TM7SF3: variants seen among roughly 807,000 people sequenced by gnomAD.
TM7SF3 encodes transmembrane 7 superfamily member 3, also known as seven span transmembrane protein.
A neutral mutation model predicts 65.5 loss-of-function variants in TM7SF3; 60 were observed. The ratio of observed to expected loss-of-function variants is 0.92; its 90% CI spans 0.74 to 1.14. The LOEUF is 1.14. TM7SF3 is among the 50% of genes most tolerant of loss of function. The pLI is 0.00. For synonymous variants in TM7SF3, 264 were observed against 259.6 expected (o/e 1.02, Z -0.16); for missense variants, 623 against 684.8 (o/e 0.91, Z 1.01).
chr12:26,976,143 G>T (rs1939553372), intron 10 of TM7SF3, 117 bp downstream of exon 10: 2 of 748,872 alleles, frequency 2.7e-6, no homozygotes, highest in Non-Finnish European at 4.5e-6. Flanking sequence ...TCAGTCATCT[G>T]ATACAGGTAA....
rs1939466493 is a variant in TM7SF3, at chr12:26,974,051, C to T, written c.1627G>A (p.Glu543Lys). 2 of 1,614,052 alleles carry T rather than the reference C, an allele frequency of 1.2e-6. No homozygotes were observed. Among genetic ancestry groups the T allele is most frequent in the African/African-American group, 1.3e-5 (1 of 74,908 alleles). Residue 543 changes from glutamate to lysine, a missense_variant, in exon 12 of 12, where the codon GAG becomes AAG. Physicochemically the swap from Glu to Lys is moderately conservative, Grantham distance 56. Transcript: ENST00000343028. ...TGGGTTAATCGGCCATAGAGCCTCT[C>T]TCTCAATGGAGGAATGTGGTAGCTA... ...DPSYHIPPLRERLYGRLTQIK... is the reference protein window; with the variant it reads ...DPSYHIPPLRKRLYGRLTQIK...
At chr12:26,988,669 A>G (rs1940206053) in intron 6 of TM7SF3, among the ~76,000 whole-genome samples, 1 of 115,624 alleles carries the variant, frequency 8.6e-6, no homozygotes, top group African/African-American at 3.4e-5. Context: ...TCAGAGAAGA[A>G]AATTGTGTGT....
intron 6 of TM7SF3, among the ~76,000 whole-genome samples, chr12:26,989,079 A>G (rs1940228373): frequency 6.6e-6 from 1 of 152,192 alleles, no homozygotes; most frequent in Non-Finnish European, 1.5e-5. Flanking sequence ...TCAAGTATTT[A>G]TGTAATCAAT....
rs761552084 is a variant in TM7SF3 at position 26,976,486 on chromosome 12, G to A, written c.1190-129C>T. 190 of 638,188 alleles carry A rather than the reference G, an allele frequency of 3.0e-4. 1 individual carries two copies. Among genetic ancestry groups the A allele is most frequent in the Non-Finnish European group, 7.8e-5 (28 of 360,648 alleles). 39.5% of individuals were successfully genotyped at this position (638,188 alleles called of 1,614,324 possible). A position where few individuals can be genotyped will look rare whatever the true frequency, so the allele number is the denominator to read the frequency against. ...CAACCAGGGAATATGTTGGCAACTA[G>A]AAATGAATTCTAATTTTCTTCATTT... On this transcript the variant is annotated intron_variant, in intron 9 of 11. Transcript: ENST00000343028.
At chr12:27,004,169 T>C (rs751275577) in intron 1 of TM7SF3, among the ~76,000 whole-genome samples, 4 of 152,224 alleles carry the variant, frequency 2.6e-5, no homozygotes, top group Non-Finnish European at 5.9e-5. Context: ...CCCACTTCTC[T>C]GTGATGTGTT....
At chr12:26,999,362 C>G (rs573067824) in intron 3 of TM7SF3, among the ~76,000 whole-genome samples, 164 bp downstream of exon 3, 1 of 151,976 alleles carries the variant, frequency 6.6e-6, no homozygotes, top group Non-Finnish European at 1.5e-5. Context: ...CGCCACTACA[C>G]TCCAGCCTGG....
At chr12:26,977,271 A>T (rs993094454) in intron 9 of TM7SF3, among the ~76,000 whole-genome samples, 1 of 152,228 alleles carries the variant, frequency 6.6e-6, no homozygotes, top group South Asian at 2.1e-4. Flanking sequence ...CACAAAATAC[A>T]TATGTGGCTT....
At chr12:26,995,465 A>G (rs1940553415) in intron 4 of TM7SF3, 57 bp from the exon 5 acceptor site, 19 of 1,571,800 alleles carry the variant, frequency 1.2e-5, no homozygotes, top group Non-Finnish European at 1.6e-5. Flanking sequence ...TCCCATCTAT[A>G]AAAAGGAACC....
intron 6 of TM7SF3, among the ~76,000 whole-genome samples, chr12:26,989,295 G>T (rs1258638565): frequency 1.1e-4 from 17 of 151,994 alleles, no homozygotes; most frequent in African/African-American, 3.1e-4. Context: ...AATTAGCCAG[G>T]GATGGTGGTG....
At position 26,999,529 on chromosome 12, in the gene TM7SF3, T is replaced by A; in HGVS notation, c.394A>T (p.Arg132Ter). 6.2e-7 allele frequency: 1 copy of A among 1,614,110 alleles called. No homozygotes were observed. Among genetic ancestry groups the A allele is most frequent in the Non-Finnish European group, 8.5e-7 (1 of 1,179,962 alleles). Residue 132 changes from arginine (R) to a stop codon, truncating the protein, a stop_gained, in exon 3 of 12, where the codon AGA becomes TGA. Coordinates refer to ENST00000343028, the MANE Select transcript of TM7SF3 (RefSeq NM_016551.3). LOFTEE classifies it high-confidence loss of function. ...GAGGAGAAGACAGAAGGGTTACCTC[T>A]TTCTGAGTAGGAGAGTAGGATAGCC... ...NMAILLSYSE[R>*]DPVPGGCNLE...
At chr12:27,003,997 G>A (rs1173219772) in intron 1 of TM7SF3, among the ~76,000 whole-genome samples, 1 of 152,188 alleles carries the variant, frequency 6.6e-6, no homozygotes, top group Admixed American at 6.5e-5. Flanking sequence ...ACATAAAATT[G>A]TGAACCACAG....
At chr12:27,003,970 C>T (rs1271195737) in intron 1 of TM7SF3, among the ~76,000 whole-genome samples, 1 of 152,166 alleles carries the variant, frequency 6.6e-6, no homozygotes. Flanking sequence ...CCAATGAGCA[C>T]CCACACCAGG....
intron 6 of TM7SF3, chr12:26,983,522 G>A (rs1183365799): frequency 2.2e-6 from 1 of 454,300 alleles, no homozygotes; most frequent in Non-Finnish European, 4.4e-6. Context: ...ATGATGACCA[G>A]GGATTTGCTT....
At chr12:26,984,947 T>C (rs1002703104) in intron 6 of TM7SF3, among the ~76,000 whole-genome samples, 2 of 152,144 alleles carry the variant, frequency 1.3e-5, no homozygotes, top group Admixed American at 6.5e-5. Flanking sequence ...GGAGGCAATA[T>C]GGATATAGTC....
intron 6 of TM7SF3, among the ~76,000 whole-genome samples, chr12:26,986,092 T>C (rs1940087120): frequency 6.6e-6 from 1 of 152,006 alleles, no homozygotes; most frequent in Non-Finnish European, 1.5e-5. Flanking sequence ...CCTCCCAAAG[T>C]GCTGGGATTA....
chr12:26,980,599 G>T lies in TM7SF3; in HGVS notation c.1003C>A (p.Leu335Met). ...FIIMGFFFYI[L>M]ITRLTPIKYD... ...TTGATAGGTGTCAGTCTTGTAATCA[G>T]TATATAAAAGAAGAATCCCATGATG... The change falls in exon 8 of 12, where the codon CTG becomes ATG. Residue 335 changes from leucine to methionine, a missense_variant. Coordinates refer to ENST00000343028, the MANE Select transcript of TM7SF3 (RefSeq NM_016551.3). 6.4e-7 allele frequency: 1 copy of T among 1,567,736 alleles called. No individual in the cohort carries two copies. Among genetic ancestry groups the T allele is most frequent in the Non-Finnish European group, 8.7e-7 (1 of 1,143,564 alleles).
chr12:26,995,469 A>C, intron 4 of TM7SF3, 61 bp from the exon 5 acceptor site: 1 of 1,548,760 alleles, frequency 6.5e-7, no homozygotes, highest in Non-Finnish European at 8.8e-7. Context: ...ATCTATAAAA[A>C]GGAACCAAGA....
chr12:26,974,111 CTT>C lies in TM7SF3; in HGVS notation c.1565_1566del (p.Gln522ArgfsTer13), dbSNP rs749097614. 3 of 1,614,222 alleles carry C rather than the reference CTT, an allele frequency of 1.9e-6. No homozygotes were observed. The highest frequency in any genetic ancestry group is 1.3e-5 in the African/African-American group (1 of 75,058). On this transcript the variant is annotated frameshift_variant, in exon 12 of 12. Coordinates refer to ENST00000343028, the MANE Select transcript of TM7SF3 (RefSeq NM_016551.3). LOFTEE classifies it high-confidence loss of function. ...ATGTTTGTCACTCGGCGCTCTCTCT[CTT>C]GCTTCCATAACTTGTATGGGTGGGG... ...FPPHPYKLWK[Q>X]ERERRVTNIL...
intron 9 of TM7SF3, among the ~76,000 whole-genome samples, chr12:26,976,657 T>C (rs1565865111): frequency 6.6e-6 from 1 of 152,256 alleles, no homozygotes; most frequent in South Asian, 2.1e-4. Context: ...CTCTGTGAAC[T>C]TGAGCCTCAG....
Sources: allele counts gnomAD v4.1 joint callset (sites outside exome capture counted in the v4.1 genomes callset), GRCh38; gene constraint gnomAD v4.1.1; transcripts MANE v1.5; gene names NCBI Gene and HGNC (gene_info 2026-07-23, HGNC 2026-07-21).